MOK: variants seen among roughly 807,000 people sequenced by gnomAD.
MOK encodes MOK protein kinase.
Under a neutral mutation model 54.2 loss-of-function variants are expected in MOK, and 59 were observed. The observed-to-expected ratio is 1.09, with a 90% CI of 0.88 to 1.35. The LOEUF is 1.35. Among genes scored for constraint, MOK ranks in the 40% most tolerant of loss-of-function variants. The pLI is 0.00. For missense variants in MOK, 517 were observed against 526.2 expected, an observed-to-expected ratio of 0.98 and a Z score of 0.17; for synonymous variants, 210 against 202.7, an observed-to-expected ratio of 1.04 and a Z score of -0.31.
intron 1 of MOK, among the ~76,000 whole-genome samples, chr14:102,289,944 A>G (rs1461683833): frequency 6.6e-6 from 1 of 152,200 alleles, no homozygotes. Flanking sequence ...CTTCTTCAAC[A>G]GTCTTCCTAA....
intron 4 of MOK, among the ~76,000 whole-genome samples, chr14:102,261,278 G>T (rs771318178): frequency 8.3e-6 from 1 of 120,816 alleles, no homozygotes; most frequent in South Asian, 2.7e-4. Flanking sequence ...AATTAGCCAA[G>T]TGTGGTAGCA....
intron 2 of MOK, among the ~76,000 whole-genome samples, chr14:102,272,792 T>C (rs1244816417): frequency 6.6e-6 from 1 of 152,188 alleles, no homozygotes; most frequent in African/African-American, 2.4e-5. Flanking sequence ...GCAAACATCA[T>C]GCTTCTAATG....
intron 2 of MOK, among the ~76,000 whole-genome samples, chr14:102,267,378 C>T (rs1193649228): frequency 6.6e-6 from 1 of 152,054 alleles, no homozygotes; most frequent in African/African-American, 2.4e-5. Context: ...CCAGCCTGGC[C>T]AACATGGTGA....
intron 1 of MOK, among the ~76,000 whole-genome samples, chr14:102,288,311 A>G (rs566981094): frequency 4.4e-4 from 67 of 152,356 alleles, no homozygotes; most frequent in Non-Finnish European, 8.7e-4. Flanking sequence ...GAACGGATAA[A>G]CAAAATGTGG....
intron 1 of MOK, among the ~76,000 whole-genome samples, chr14:102,293,384 C>T (rs992639910): frequency 1.3e-5 from 2 of 152,050 alleles, no homozygotes; most frequent in African/African-American, 2.4e-5. Flanking sequence ...AATGATCATA[C>T]ACACAACACA....
chr14:102,253,991 C>CT (rs113168880), intron 4 of MOK, among the ~76,000 whole-genome samples: 10,288 of 145,710 alleles, frequency 0.071, 512 homozygotes, highest in African/African-American at 0.15. Flanking sequence ...TTAGCTTTTT[C>CT]TTTTTTTTTT....
At chr14:102,263,704 T>C (rs1362556011) in intron 3 of MOK, 88 bp from the exon 4 acceptor site, 2 of 838,660 alleles carry the variant, frequency 2.4e-6, no homozygotes, top group Non-Finnish European at 3.7e-6. Context: ...TAAACATTTC[T>C]AGTAAACATT....
Position 102,249,690 on chromosome 14 carries a change from C to G in MOK, c.590+1122G>C, listed in dbSNP as rs574090497. ...CACCATTGCACTCCAGCCTAGGCAA[C>G]AAGAGCAAAACTCCATCTCAAAAAA... On this transcript the variant is annotated intron_variant, in intron 7 of 11. Coordinates refer to ENST00000361847, the MANE Select transcript of MOK (RefSeq NM_014226.3). This position sits in a 1 kb window ranked among gnomAD's most constrained non-coding sequence, Gnocchi z 5.3. 1.3e-5 allele frequency among the ~76,000 whole-genome samples: 2 copies of G among 152,202 alleles called. No individual in the cohort carries two copies. Among genetic ancestry groups the G allele is most frequent in the Non-Finnish European group, 2.9e-5 (2 of 68,038 alleles).
intron 4 of MOK, among the ~76,000 whole-genome samples, chr14:102,261,591 T>C (rs920620535): frequency 1.3e-5 from 2 of 150,860 alleles, no homozygotes; most frequent in Admixed American, 1.3e-4. Context: ...TGGAGTGCAG[T>C]GGCACGATCT....
chr14:102,288,911 G>GT (rs960288489), intron 1 of MOK, among the ~76,000 whole-genome samples: 30 of 152,160 alleles, frequency 2.0e-4, no homozygotes, highest in African/African-American at 6.3e-4. Context: ...GTTTTGTTTT[G>GT]TTTTGTTTTG....
chr14:102,294,320 C>T (rs576258462), intron 1 of MOK, among the ~76,000 whole-genome samples: 1 of 151,904 alleles, frequency 6.6e-6, no homozygotes, highest in Non-Finnish European at 1.5e-5. Context: ...GTGGTGGGCA[C>T]GTGTAGTCCC....
intron 1 of MOK, among the ~76,000 whole-genome samples, chr14:102,297,120 G>A (rs781333222): frequency 6.6e-6 from 1 of 151,744 alleles, no homozygotes; most frequent in Non-Finnish European, 1.5e-5. Context: ...CACTTTGGGA[G>A]GCCAAGGTGG....
chr14:102,301,016 ACC>A (rs2072131419), intron 1 of MOK, among the ~76,000 whole-genome samples: 5 of 152,170 alleles, frequency 3.3e-5, no homozygotes, highest in Admixed American at 3.3e-4. Context: ...AATCGCTTGA[ACC>A]CAGGAGGCAG....
intron 7 of MOK, among the ~76,000 whole-genome samples, chr14:102,244,991 C>T (rs2065984844): frequency 6.6e-6 from 1 of 152,186 alleles, no homozygotes; most frequent in South Asian, 2.1e-4. Context: ...CCCAAAAACT[C>T]ACCAACCAAG....
intron 2 of MOK, among the ~76,000 whole-genome samples, chr14:102,275,341 G>A (rs1005190262): frequency 6.6e-6 from 1 of 152,186 alleles, no homozygotes; most frequent in African/African-American, 2.4e-5. Flanking sequence ...GAGGTGGGTG[G>A]ACTGTGAGGT....
chr14:102,224,184 GGCGCCCGCCACC>G (rs2064155378), downstream of MOK, among the ~76,000 whole-genome samples: 1 of 151,950 alleles, frequency 6.6e-6, no homozygotes, highest in African/African-American at 2.4e-5. Context: ...TGGGACTACA[GGCGCCCGCCACC>G]ACGCCCGGCT....
At chr14:102,285,479 C>T (rs979139277) in intron 1 of MOK, among the ~76,000 whole-genome samples, 2 of 152,134 alleles carry the variant, frequency 1.3e-5, no homozygotes, top group Non-Finnish European at 2.9e-5. Context: ...AACAAACCAT[C>T]GGTAAAAAGG....
At chr14:102,290,415 G>C (rs543029201) in intron 1 of MOK, among the ~76,000 whole-genome samples, 3 of 151,808 alleles carry the variant, frequency 2.0e-5, no homozygotes, top group South Asian at 2.1e-4. Context: ...ACTCCAGCCT[G>C]GGCAACAAGA....
In MOK at chr14:102,232,825, C is replaced by CA. The variant is rs2153084953; in HGVS notation, c.693-118dup. On this transcript the variant is annotated intron_variant, in intron 8 of 11. Coordinates refer to ENST00000361847, the MANE Select transcript of MOK (RefSeq NM_014226.3). The surrounding 1 kb of genome is among the most constrained non-coding windows in gnomAD (Gnocchi z 5.1). ...GAATGGTTTATGACTGCAGAGTCTA[C>CA]ACCTGTCCCAGCCCACAGAACGTGC... The CA allele has an allele frequency of 1.2e-6, 1 of 860,768 alleles. No homozygotes were observed. Among genetic ancestry groups the CA allele is most frequent in the Non-Finnish European group, 1.8e-6 (1 of 564,944 alleles). 53.3% of individuals were successfully genotyped at this position (860,768 alleles called of 1,614,324 possible).
Sources: allele counts gnomAD v4.1 joint callset (sites outside exome capture counted in the v4.1 genomes callset), GRCh38; gene constraint gnomAD v4.1.1; non-coding constraint Gnocchi (gnomAD v3.1); transcripts MANE v1.5; gene names NCBI Gene and HGNC (gene_info 2026-07-23, HGNC 2026-07-21).